Variants in METTL21C observed in about 807,000 individuals in gnomAD.
The protein encoded by METTL21C is protein-lysine methyltransferase METTL21C.
METTL21C carries 21 observed loss-of-function variants against 25.9 expected under a neutral mutation model. The ratio of observed to expected loss-of-function variants is 0.81; its 90% confidence interval spans 0.58 to 1.17. The LOEUF (loss-of-function observed/expected upper bound fraction) is 1.17, where lower values mean the gene tolerates loss of function less well. Ranked by LOEUF, METTL21C falls within the 50% of genes most tolerant of loss-of-function variation. METTL21C has a pLI of 0.00. For synonymous variants in METTL21C, 125 were observed against 124.7 expected, an observed-to-expected ratio of 1.00 and a Z score of -0.01; for missense variants, 312 against 315.1, an observed-to-expected ratio of 0.99 and a Z score of 0.07.
upstream of METTL21C, among the ~76,000 whole-genome samples, chr13:102,697,278 A>G (rs989121091): frequency 7.2e-5 from 11 of 152,052 alleles, no homozygotes; most frequent in Admixed American, 3.3e-4. Context: ...TGTGGTTCTC[A>G]AGGGGGAGTC....
Position 102,686,981 on chromosome 13 carries a change from C to G in METTL21C, c.359G>C (p.Gly120Ala). 1.9e-6 allele frequency: 3 copies of G among 1,614,152 alleles called. No individual in the cohort carries two copies. Among genetic ancestry groups the G allele is most frequent in the Non-Finnish European group, 2.5e-6 (3 of 1,180,012 alleles). ...NFQDAKILEIGAGPGLVSIVA... is the reference protein window; with the variant it reads ...NFQDAKILEIAAGPGLVSIVA... ...AATGGAAACAAGGCCTGGTCCGGCA[C>G]CAATTTCAAGTATTTTTGCATCTTG... Residue 120 changes from glycine to alanine, a missense_variant, in exon 3 of 4, where the codon GGT (glycine) becomes GCT (alanine). By Grantham distance (60) the Gly-to-Ala change is moderately conservative. Coordinates refer to ENST00000267273, the MANE Select transcript of METTL21C (RefSeq NM_001010977.3).
chr13:102,686,502 AAAC>A (rs1885679062), intron 3 of METTL21C, 77 bp from the exon 4 acceptor site: 1 of 1,480,190 alleles, frequency 6.8e-7, no homozygotes, highest in Non-Finnish European at 9.1e-7. Context: ...GAAACACAAG[AAAC>A]AACTGGATTC....
upstream of METTL21C, among the ~76,000 whole-genome samples, chr13:102,696,023 C>G (rs1226682492): frequency 6.6e-6 from 1 of 152,050 alleles, no homozygotes; most frequent in Non-Finnish European, 1.5e-5. Context: ...ATGTTGATCT[C>G]CTTTAATTCT....
chr13:102,703,617 A>G, the METTL21C span, among the ~76,000 whole-genome samples: 4 of 152,234 alleles, frequency 2.6e-5, no homozygotes, highest in African/African-American at 9.6e-5. Flanking sequence ...AGCACAGTGA[A>G]GCAGATGTTA....
chr13:102,698,811 C>T (rs951643222), upstream of METTL21C, among the ~76,000 whole-genome samples: 1 of 152,230 alleles, frequency 6.6e-6, no homozygotes, highest in African/African-American at 2.4e-5. Flanking sequence ...TGGCCTGTTA[C>T]TACACAGTGG....
the METTL21C span, among the ~76,000 whole-genome samples, chr13:102,703,215 G>A: frequency 3.3e-5 from 5 of 152,118 alleles, no homozygotes; most frequent in Non-Finnish European, 2.9e-5. Flanking sequence ...AGAGCTTCAC[G>A]TGCTGCCCTT....
rs1305426362 is a variant in METTL21C at position 102,695,006 on chromosome 13, C to A, written c.-508G>T. 2.6e-5 allele frequency among the ~76,000 whole-genome samples: 4 copies of A among 151,976 alleles called. No individual in the cohort carries two copies. Among genetic ancestry groups the A allele is most frequent in the Non-Finnish European group, 5.9e-5 (4 of 68,014 alleles). On this transcript the variant is annotated 5_prime_UTR_variant, in exon 1 of 4. Transcript: ENST00000267273. Reference sequence around the variant, plus strand: ...TCACTGGAACAGAACAGAGGCTGCCCCTGTGGCATCCAGTTGCTGCGATGT... The same window carrying A: ...TCACTGGAACAGAACAGAGGCTGCCACTGTGGCATCCAGTTGCTGCGATGT...
At chr13:102,691,133 G>A (rs550343709) in intron 1 of METTL21C, among the ~76,000 whole-genome samples, 169 bp from the exon 2 acceptor site, 1 of 152,276 alleles carries the variant, frequency 6.6e-6, no homozygotes, top group African/African-American at 2.4e-5. Flanking sequence ...TGAATTATAT[G>A]GGGTGATGGG....
upstream of METTL21C, among the ~76,000 whole-genome samples, chr13:102,695,961 CAT>C (rs1189397838): frequency 1.3e-5 from 2 of 152,150 alleles, no homozygotes; most frequent in Admixed American, 1.3e-4. Context: ...CATAGACAAA[CAT>C]ATGCGTTCAT....
At chr13:102,699,279 A>G (rs915852547), upstream of METTL21C, among the ~76,000 whole-genome samples, 1 of 152,182 alleles carries the variant, frequency 6.6e-6, no homozygotes, top group African/African-American at 2.4e-5. Context: ...AGCTATTGCA[A>G]CTAAAGGCAA....
intron 2 of METTL21C, among the ~76,000 whole-genome samples, chr13:102,688,791 G>A (rs915896142): frequency 3.3e-5 from 5 of 152,292 alleles, no homozygotes; most frequent in South Asian, 4.1e-4. Context: ...TGCCCTGTGA[G>A]GGGCTGGCCG....
rs559011292 is a variant in METTL21C at position 102,692,465 on chromosome 13, AC to A, written c.131-1502del. Among the ~76,000 whole-genome samples, 1,012 of 152,282 alleles carry A rather than the reference AC, an allele frequency of 6.6e-3. 4 individuals are homozygous for A. Among genetic ancestry groups the A allele is most frequent in the Non-Finnish European group, 0.01 (712 of 68,026 alleles). The stretch of plus-strand genomic sequence containing the variant: ...CGATGCCTGTTGAATCTAACTACAA[AC>A]AAAACCCGGAGCTTGTATTTTATAT... On this transcript the variant is annotated intron_variant, in intron 1 of 3. Coordinates refer to ENST00000267273, the MANE Select transcript of METTL21C (RefSeq NM_001010977.3).
intron 2 of METTL21C, among the ~76,000 whole-genome samples, chr13:102,689,373 T>C (rs572124271): frequency 6.6e-6 from 1 of 152,352 alleles, no homozygotes; most frequent in African/African-American, 2.4e-5. Context: ...AAGGAAATTA[T>C]ATGCATAAGG....
Position 102,686,069 on chromosome 13 carries a change from A to T in METTL21C, c.757T>A (p.Ser253Thr), listed in dbSNP as rs1885660137. The T allele has an allele frequency of 6.3e-7, 1 of 1,599,594 alleles. No individual in the cohort carries two copies. Among genetic ancestry groups the T allele is most frequent in the Non-Finnish European group, 8.5e-7 (1 of 1,170,670 alleles). ...TTLLAEYPESSVKLFKGILKW... is the reference protein window; with the variant it reads ...TTLLAEYPESTVKLFKGILKW... Reference sequence around the variant, plus strand: ...AGTATCCCCTTAAAAAGTTTGACTGATGACTCTGGATATTCAGCCAACAGT... The same window carrying T: ...AGTATCCCCTTAAAAAGTTTGACTGTTGACTCTGGATATTCAGCCAACAGT... Residue 253 changes from serine to threonine, a missense_variant, in exon 4 of 4, where the codon TCA (serine) becomes ACA (threonine). By Grantham distance (58) the Ser-to-Thr change is moderately conservative. Transcript: ENST00000267273.
At chr13:102,689,459 C>T (rs541357442) in intron 2 of METTL21C, among the ~76,000 whole-genome samples, 2 of 152,238 alleles carry the variant, frequency 1.3e-5, no homozygotes, top group African/African-American at 4.8e-5. Flanking sequence ...GGCTACCCTT[C>T]TCCCCATCCT....
At chr13:102,696,949 C>T (rs1298781170), upstream of METTL21C, among the ~76,000 whole-genome samples, 2 of 152,156 alleles carry the variant, frequency 1.3e-5, no homozygotes, top group African/African-American at 2.4e-5. Flanking sequence ...AGGGCAGGGA[C>T]ACACAAGTTG....
chr13:102,700,121 G>A, the METTL21C span, among the ~76,000 whole-genome samples: 2 of 152,192 alleles, frequency 1.3e-5, no homozygotes, highest in Non-Finnish European at 2.9e-5. Context: ...AGTGAAGAAG[G>A]AAATAAAGCA....
intron 2 of METTL21C, among the ~76,000 whole-genome samples, chr13:102,688,723 C>G (rs997567398): frequency 6.6e-6 from 1 of 152,178 alleles, no homozygotes; most frequent in Admixed American, 6.5e-5. Context: ...TAGAGCCATT[C>G]AGAGGGCAGC....
At chr13:102,702,653 T>A in the METTL21C span, among the ~76,000 whole-genome samples, 1 of 151,566 alleles carries the variant, frequency 6.6e-6, no homozygotes, top group Non-Finnish European at 1.5e-5. Context: ...AATGGCGCAA[T>A]CTCCACTCAC....
Sources: gnomAD v4.1 joint callset for allele counts (sites outside exome capture counted in the v4.1 genomes callset) on GRCh38, gnomAD v4.1.1 for gene constraint, MANE v1.5 for transcripts, NCBI Gene and HGNC (gene_info 2026-07-23, HGNC 2026-07-21) for gene names.